Variants in FBN1 observed in about 807,000 individuals in gnomAD.
FBN1 encodes fibrillin-1.
A neutral mutation model predicts 365.1 loss-of-function variants in FBN1; 29 were observed. The observed-to-expected ratio is 0.08, with a 90% CI of 0.06 to 0.11. The LOEUF (loss-of-function observed/expected upper bound fraction) is 0.11. Among genes scored for constraint, FBN1 ranks in the 10% least tolerant of loss-of-function variants. The probability of loss-of-function intolerance (pLI) is 1.00; values close to 1 mark genes in which losing one functional copy is unlikely to be tolerated. For missense variants in FBN1, 2,476 were observed against 3,703.2 expected, an observed-to-expected ratio of 0.67 and a Z score of 8.60; for synonymous variants, 1,210 against 1,270.5, an observed-to-expected ratio of 0.95 and a Z score of 1.01.
At chr15:48,506,740 C>T (rs2043711072) in intron 15 of FBN1, among the ~76,000 whole-genome samples, 1 of 152,086 alleles carries the variant, frequency 6.6e-6, no homozygotes, top group Non-Finnish European at 1.5e-5. Flanking sequence ...GAACTAAGTG[C>T]TCAGGGCTAG....
In FBN1 at chr15:48,415,848, C is replaced by T. The variant is rs1444697579; in HGVS notation, c.7820-81G>A. 23 of 1,215,734 alleles carry T rather than the reference C, an allele frequency of 1.9e-5. 1 individual carries two copies. Among genetic ancestry groups the T allele is most frequent in the South Asian group, 9.8e-5 (8 of 81,982 alleles). 75.3% of individuals were successfully genotyped at this position (1,215,734 alleles called of 1,614,324 possible). ...GACATTGGATCTGGCCACTTGCTGC[C>T]GGCCAGCTGGCCCTCAGCTAGGCTC... is the stretch of plus-strand genomic sequence containing the variant. On this transcript the variant is annotated intron_variant, in intron 63 of 65. Transcript: ENST00000316623.
intron 64 of FBN1, among the ~76,000 whole-genome samples, chr15:48,415,033 A>T (rs1597509241): frequency 6.6e-6 from 1 of 152,328 alleles, no homozygotes; most frequent in South Asian, 2.1e-4. Flanking sequence ...GTAAAATTTA[A>T]TGTAAATTCA....
At chr15:48,510,404 A>G (rs552823924) in intron 13 of FBN1, among the ~76,000 whole-genome samples, 1 of 152,232 alleles carries the variant, frequency 6.6e-6, no homozygotes, top group Non-Finnish European at 1.5e-5. Context: ...ATTTCTAATA[A>G]GACTCCTTAA....
chr15:48,614,683 G>C (rs1889617508), intron 2 of FBN1, among the ~76,000 whole-genome samples: 1 of 152,236 alleles, frequency 6.6e-6, no homozygotes, highest in Non-Finnish European at 1.5e-5. Context: ...TGATTGGATA[G>C]AGGTGAAATA....
chr15:48,470,049 T>C (rs1162636826), intron 36 of FBN1, among the ~76,000 whole-genome samples: 2 of 152,148 alleles, frequency 1.3e-5, no homozygotes, highest in Admixed American at 6.5e-5. Context: ...GAAATGCAAA[T>C]GGCTTTCAAA....
intron 2 of FBN1, among the ~76,000 whole-genome samples, chr15:48,626,457 C>T (rs552321331): frequency 6.6e-6 from 1 of 152,222 alleles, no homozygotes; most frequent in Admixed American, 6.5e-5. Context: ...GCTACAAAAG[C>T]TTCAGAGATC....
At chr15:48,546,677 AT>A (rs1349842050) in intron 6 of FBN1, among the ~76,000 whole-genome samples, 6 of 152,176 alleles carry the variant, frequency 3.9e-5, no homozygotes, top group African/African-American at 1.2e-4. Flanking sequence ...AGCCACTGTT[AT>A]TTGAGAAGTG....
At position 48,498,979 on chromosome 15, in the gene FBN1, C is replaced by G; in HGVS notation, c.2167+6G>C. ...GAAGGTAGTAAATTTTGAAAGGAATCCTTACCACTGCCTGCTGACGTCATT... is the reference window on the plus strand; with the variant it reads ...GAAGGTAGTAAATTTTGAAAGGAATGCTTACCACTGCCTGCTGACGTCATT... On this transcript the variant is annotated splice_donor_region_variant and intron_variant, in intron 18 of 65. Coordinates refer to ENST00000316623, the MANE Select transcript of FBN1 (RefSeq NM_000138.5). The G allele has an allele frequency of 6.2e-7, 1 of 1,614,102 alleles. No homozygotes were observed. The highest frequency in any genetic ancestry group is 8.5e-7 in the Non-Finnish European group (1 of 1,179,940).
intron 27 of FBN1, 124 bp downstream of exon 27, chr15:48,487,989 G>C: frequency 7.8e-7 from 1 of 1,286,424 alleles, no homozygotes; most frequent in Non-Finnish European, 1.1e-6. Flanking sequence ...CTCTGTTGCA[G>C]ACTGATTCCT....
intron 9 of FBN1, 35 bp from the exon 10 acceptor site, chr15:48,520,852 C>T (rs772818513): frequency 5.6e-6 from 9 of 1,612,210 alleles, no homozygotes; most frequent in South Asian, 1.1e-5. Context: ...ACACACACAT[C>T]GCTGAGATAA....
intron 18 of FBN1, among the ~76,000 whole-genome samples, chr15:48,497,921 T>C (rs1287554265): frequency 6.6e-6 from 1 of 152,254 alleles, no homozygotes; most frequent in Non-Finnish European, 1.5e-5. Context: ...CACACTCTTC[T>C]ATGAACATAT....
chr15:48,515,660 G>C, intron 11 of FBN1, 133 bp from the exon 12 acceptor site: 1 of 1,175,162 alleles, frequency 8.5e-7, no homozygotes. Flanking sequence ...GTCGTCTGGT[G>C]ACAACAGAGC....
rs375449139 is a variant in FBN1, at chr15:48,574,376, C to G, written c.538+21907G>C. Among the ~76,000 whole-genome samples the G allele has an allele frequency of 2.1e-4, 32 of 152,216 alleles. No individual in the cohort carries two copies. The East Asian group carries it at 5.4e-3, about 26-fold the overall frequency. On this transcript the variant is annotated intron_variant, in intron 6 of 65. Transcript: ENST00000316623. The stretch of plus-strand genomic sequence containing the variant: ...GCAGCATGGATGAAGCATGGCACTG[C>G]AAACATATACTGTAGATTGTGGATT...
chr15:48,496,521 T>C (rs908825620), intron 19 of FBN1, among the ~76,000 whole-genome samples: 1 of 152,162 alleles, frequency 6.6e-6, no homozygotes, highest in Non-Finnish European at 1.5e-5. Flanking sequence ...AAATCATTAA[T>C]CTTTATAGAG....
In FBN1 at chr15:48,437,089, G is replaced by C. The variant is rs761290434; in HGVS notation, c.6380-12C>G. On this transcript the variant is annotated splice_polypyrimidine_tract_variant and intron_variant, in intron 52 of 65. Transcript: ENST00000316623. ...GCATTCGTCCATATCTTAAGCAAGAGAAAAAAAATAGTGAATAACAAGGTA... is the reference window on the plus strand; with the variant it reads ...GCATTCGTCCATATCTTAAGCAAGACAAAAAAAATAGTGAATAACAAGGTA... 6.4e-7 allele frequency: 1 copy of C among 1,552,560 alleles called. No individual in the cohort carries two copies. The highest frequency in any genetic ancestry group is 8.9e-7 in the Non-Finnish European group (1 of 1,125,302).
intron 2 of FBN1, among the ~76,000 whole-genome samples, chr15:48,634,192 AATAAACCATTAGTTACAAG>A (rs1890046646): frequency 6.6e-6 from 1 of 152,232 alleles, no homozygotes; most frequent in Non-Finnish European, 1.5e-5. Context: ...AATGATACAC[AATAAACCATTAGTTACAAG>A]AAGCAGGATG....
At chr15:48,641,796 T>A (rs1354443512) in intron 2 of FBN1, 1 of 152,238 alleles carries the variant, frequency 6.6e-6, no homozygotes, top group Non-Finnish European at 1.5e-5. Context: ...CTTTTTCTGA[T>A]GATTTATACA....
chr15:48,476,058 G>A (rs2043415785), intron 32 of FBN1, among the ~76,000 whole-genome samples: 1 of 152,194 alleles, frequency 6.6e-6, no homozygotes, highest in Non-Finnish European at 1.5e-5. Flanking sequence ...GTGACTGGGA[G>A]CTTTAACCAG....
intron 30 of FBN1, 101 bp from the exon 31 acceptor site, chr15:48,484,044 G>T: frequency 8.5e-7 from 1 of 1,173,440 alleles, no homozygotes; most frequent in Non-Finnish European, 1.3e-6. Context: ...TAGCCTACTA[G>T]CATAAGACTA....
Sources: gnomAD v4.1 joint callset for allele counts (sites outside exome capture counted in the v4.1 genomes callset) on GRCh38, gnomAD v4.1.1 for gene constraint, MANE v1.5 for transcripts, NCBI Gene and HGNC (gene_info 2026-07-23, HGNC 2026-07-21) for gene names.